GABRG3: variants seen among roughly 807,000 people sequenced by gnomAD.
The protein encoded by GABRG3 is gamma-aminobutyric acid receptor subunit gamma-3.
GABRG3 carries 25 observed loss-of-function variants against 48.8 expected under a neutral mutation model. The ratio of observed to expected loss-of-function variants is 0.51; its 90% CI spans 0.37 to 0.72. GABRG3 has a LOEUF of 0.72. Among genes scored for constraint, GABRG3 ranks in the 30% least tolerant of loss-of-function variants. GABRG3 has a pLI of 0.00. For missense variants in GABRG3, 394 were observed against 577.9 expected (o/e 0.68, Z 3.26); for synonymous variants, 227 against 217.6 (o/e 1.04, Z -0.38).
intron 2 of GABRG3, among the ~76,000 whole-genome samples, chr15:27,001,888 G>GTTTTTTTTTTCT (rs761361586): frequency 8.2e-6 from 1 of 121,230 alleles, no homozygotes; most frequent in African/African-American, 3.2e-5. Context: ...CCATAACTCA[G>GTTTTTTTTTTCT]TTTTTTTTTT....
chr15:27,247,294 C>T (rs1018829664), intron 3 of GABRG3, among the ~76,000 whole-genome samples: 8 of 152,056 alleles, frequency 5.3e-5, no homozygotes, highest in Admixed American at 1.3e-4. Context: ...GTCCTTGCCC[C>T]TCTAACCCTC....
chr15:27,323,461 A>G (rs940791292), intron 3 of GABRG3, among the ~76,000 whole-genome samples: 1 of 152,206 alleles, frequency 6.6e-6, no homozygotes, highest in Non-Finnish European at 1.5e-5. Context: ...GTTCAAAGAA[A>G]GAAGGGAGTA....
At chr15:27,393,358 A>AAAAAAG (rs1887206466) in intron 5 of GABRG3, among the ~76,000 whole-genome samples, 1 of 141,280 alleles carries the variant, frequency 7.1e-6, no homozygotes, top group African/African-American at 2.6e-5. Flanking sequence ...AAAAAAAAAA[A>AAAAAAG]AAAAGAAAAG....
intron 3 of GABRG3, among the ~76,000 whole-genome samples, chr15:27,203,095 C>T (rs1888741262): frequency 6.6e-6 from 1 of 152,136 alleles, no homozygotes; most frequent in Non-Finnish European, 1.5e-5. Context: ...AGGTTTTTTA[C>T]ATGGGTAAAT....
intron 6 of GABRG3, among the ~76,000 whole-genome samples, chr15:27,512,583 A>T (rs886817998): frequency 2.6e-5 from 4 of 152,242 alleles, no homozygotes; most frequent in African/African-American, 9.6e-5. Context: ...AGTCAACACT[A>T]TGCAAAGCAC....
chr15:27,404,693 C>A (rs780308002), intron 5 of GABRG3, among the ~76,000 whole-genome samples: 10 of 152,202 alleles, frequency 6.6e-5, no homozygotes, highest in Non-Finnish European at 1.3e-4. Flanking sequence ...GATCTCCCCA[C>A]TTGGGACTGT....
chr15:27,139,782 A>T (rs1277757999), intron 3 of GABRG3, among the ~76,000 whole-genome samples: 3 of 152,156 alleles, frequency 2.0e-5, no homozygotes, highest in African/African-American at 7.2e-5. Flanking sequence ...GGCAGTCCCT[A>T]GGTAGGTTTA....
chr15:27,191,341 A>G (rs1888295836), intron 3 of GABRG3, among the ~76,000 whole-genome samples: 1 of 152,122 alleles, frequency 6.6e-6, no homozygotes, highest in Admixed American at 6.5e-5. Context: ...GTCTCCCATT[A>G]TTACTGCGTG....
At chr15:27,212,279 G>A (rs888125381) in intron 3 of GABRG3, among the ~76,000 whole-genome samples, 2 of 152,296 alleles carry the variant, frequency 1.3e-5, no homozygotes, top group African/African-American at 2.4e-5. Context: ...ATCTGGCATC[G>A]CTCCGGGTGT....
intron 3 of GABRG3, among the ~76,000 whole-genome samples, chr15:27,207,801 T>C (rs1232451343): frequency 6.6e-6 from 1 of 152,178 alleles, no homozygotes; most frequent in South Asian, 2.1e-4. Context: ...GCCTTACATT[T>C]CTGCAGACCT....
intron 6 of GABRG3, chr15:27,483,264 T>C (rs1394761934): frequency 6.6e-6 from 1 of 152,180 alleles, no homozygotes; most frequent in Non-Finnish European, 1.5e-5. Context: ...TCTCGTCGGC[T>C]TGCAGGTAGT....
At chr15:27,245,943 G>A (rs117105123) in intron 3 of GABRG3, among the ~76,000 whole-genome samples, 1 of 152,304 alleles carries the variant, frequency 6.6e-6, no homozygotes, top group East Asian at 1.9e-4. Flanking sequence ...ATCTGCTTCT[G>A]GTCAGGACCT....
intron 3 of GABRG3, among the ~76,000 whole-genome samples, chr15:27,162,898 C>T (rs930061058): frequency 1.3e-5 from 2 of 152,068 alleles, no homozygotes; most frequent in South Asian, 4.2e-4. Context: ...ATCTTAGTAG[C>T]AACCCAAGGG....
chr15:27,162,335 G>T (rs1887220872), intron 3 of GABRG3, among the ~76,000 whole-genome samples: 1 of 152,158 alleles, frequency 6.6e-6, no homozygotes, highest in Non-Finnish European at 1.5e-5. Flanking sequence ...GTGGTAAGGG[G>T]AAAGCTAAAA....
At chr15:27,220,326 G>A (rs1889408962) in intron 3 of GABRG3, among the ~76,000 whole-genome samples, 1 of 152,096 alleles carries the variant, frequency 6.6e-6, no homozygotes, top group Admixed American at 6.5e-5. Flanking sequence ...AAGATTTGAG[G>A]TGAGCAGAAA....
intron 3 of GABRG3, among the ~76,000 whole-genome samples, chr15:27,221,058 G>C (rs1889438070): frequency 6.6e-6 from 1 of 151,848 alleles, no homozygotes; most frequent in African/African-American, 2.4e-5. Context: ...ACAAGATTCA[G>C]GGAGGAAATT....
intron 5 of GABRG3, among the ~76,000 whole-genome samples, chr15:27,460,452 C>T (rs775207453): frequency 3.3e-5 from 5 of 152,108 alleles, no homozygotes; most frequent in African/African-American, 7.2e-5. Context: ...GCAAGGAGAA[C>T]CAGGAAACTC....
chr15:27,489,169 G>A (rs1001464603), intron 6 of GABRG3, among the ~76,000 whole-genome samples: 16 of 152,044 alleles, frequency 1.1e-4, no homozygotes, highest in Non-Finnish European at 2.4e-4. Context: ...GAGAATGATG[G>A]TTTCCAGCTT....
At chr15:27,294,871 T>C (rs1891926418) in intron 3 of GABRG3, 1 of 152,170 alleles carries the variant, frequency 6.6e-6, no homozygotes, top group South Asian at 2.1e-4. Context: ...CTGATCTGGA[T>C]GTTTGTAAGA....
Sources: gnomAD v4.1 joint callset for allele counts (sites outside exome capture counted in the v4.1 genomes callset) on GRCh38, gnomAD v4.1.1 for gene constraint, MANE v1.5 for transcripts, NCBI Gene and HGNC (gene_info 2026-07-23, HGNC 2026-07-21) for gene names.